The following GNAL variants were observed in gnomAD, a reference collection of about 807,000 sequenced individuals.
GNAL encodes the protein G protein subunit alpha L, also known as guanine nucleotide-binding protein G(olf) subunit alpha.
In GNAL, 18 loss-of-function variants were observed where a neutral mutation model predicts 55.1. The observed-to-expected ratio is 0.33, with a 90% CI of 0.23 to 0.48. The LOEUF (loss-of-function observed/expected upper bound fraction) is 0.48. GNAL is among the 20% of genes least tolerant of loss of function. The pLI is 0.99. For synonymous variants in GNAL, 253 were observed against 237.0 expected, an observed-to-expected ratio of 1.07 and a Z score of -0.62; for missense variants, 412 against 614.1, an observed-to-expected ratio of 0.67 and a Z score of 3.48.
chr18:11,860,641 T>C (rs1400659010), intron 5 of GNAL, among the ~76,000 whole-genome samples: 1 of 152,156 alleles, frequency 6.6e-6, no homozygotes, highest in Non-Finnish European at 1.5e-5. Flanking sequence ...CAAAAGATGA[T>C]AAATTTATGG....
At chr18:11,755,631 T>G (rs908868019) in intron 4 of GNAL, among the ~76,000 whole-genome samples, 2 of 152,174 alleles carry the variant, frequency 1.3e-5, no homozygotes, top group Non-Finnish European at 2.9e-5. Context: ...TTTTTGCTTC[T>G]GATAAGCATG....
At chr18:11,707,242 G>A (rs917172837) in intron 1 of GNAL, among the ~76,000 whole-genome samples, 6 of 152,156 alleles carry the variant, frequency 3.9e-5, no homozygotes, top group Non-Finnish European at 7.3e-5. Flanking sequence ...CACTTATAGC[G>A]CTATGAAACA....
At chr18:11,844,147 C>T (rs906823283) in intron 5 of GNAL, among the ~76,000 whole-genome samples, 7 of 150,418 alleles carry the variant, frequency 4.7e-5, no homozygotes, top group African/African-American at 1.7e-4. Context: ...TTGAAAGGTT[C>T]TCAGGGCCGG....
chr18:11,789,764 T>C (rs1360861802), intron 4 of GNAL, among the ~76,000 whole-genome samples: 1 of 152,234 alleles, frequency 6.6e-6, no homozygotes, highest in Non-Finnish European at 1.5e-5. Flanking sequence ...ATGCCATTGA[T>C]ACATATACTG....
chr18:11,808,815 G>A (rs2034732187), intron 4 of GNAL, among the ~76,000 whole-genome samples: 1 of 152,242 alleles, frequency 6.6e-6, no homozygotes, highest in Admixed American at 6.5e-5. Flanking sequence ...ATGCCGTTCG[G>A]CAATAACAAG....
At chr18:11,756,087 A>G (rs971392954) in intron 4 of GNAL, among the ~76,000 whole-genome samples, 13 of 152,190 alleles carry the variant, frequency 8.5e-5, no homozygotes, top group Non-Finnish European at 1.6e-4. Context: ...AAGATTTATT[A>G]ATCGGTCCCA....
intron 4 of GNAL, among the ~76,000 whole-genome samples, chr18:11,806,523 A>T (rs2034665379): frequency 6.6e-6 from 1 of 152,160 alleles, no homozygotes; most frequent in Admixed American, 6.5e-5. Flanking sequence ...TTTTGTATAT[A>T]GTGAGAGATA....
rs549867218 is a variant in GNAL at position 11,738,691 on chromosome 18, C to T, written c.377-14162C>T. ...CTCGAACTCCTGGCCTCAAGTGATCCGCCTGCCTCGGCCTCCCAGAGTGCT... is the reference window on the plus strand; with the variant it reads ...CTCGAACTCCTGGCCTCAAGTGATCTGCCTGCCTCGGCCTCCCAGAGTGCT... On this transcript the variant is annotated intron_variant, in intron 1 of 11. Coordinates refer to ENST00000334049, the MANE Select transcript of GNAL (RefSeq NM_182978.4). Among the ~76,000 whole-genome samples, 8 of 152,276 alleles carry T rather than the reference C, an allele frequency of 5.3e-5. No homozygotes were observed. In the East Asian group the frequency reaches 9.7e-4, roughly 18 times the overall value.
At chr18:11,794,832 TTTTG>T (rs113337660) in intron 4 of GNAL, among the ~76,000 whole-genome samples, 10 of 151,710 alleles carry the variant, frequency 6.6e-5, no homozygotes, top group South Asian at 4.2e-4. Context: ...GCACTTTGTT[TTTTG>T]TTTGTTTGTT....
chr18:11,844,646 C>T (rs2035692119), intron 5 of GNAL, among the ~76,000 whole-genome samples: 1 of 152,074 alleles, frequency 6.6e-6, no homozygotes, highest in Non-Finnish European at 1.5e-5. Context: ...CCGGGAACAG[C>T]AGTGAAGAAG....
In GNAL at chr18:11,771,436, G is replaced by A. The variant is rs111781752; in HGVS notation, c.624+17491G>A. On this transcript the variant is annotated intron_variant, in intron 4 of 11. Transcript: ENST00000334049. ...CATTTCATTTTTTTTTCTAAATGAT[G>A]ACCTGATATGTGTCAGGAACTATGT... 6.4e-3 allele frequency among the ~76,000 whole-genome samples: 976 copies of A among 151,602 alleles called. 4 individuals carry two copies. The highest frequency in any genetic ancestry group is 9.9e-3 in the Non-Finnish European group (674 of 67,916).
At chr18:11,749,136 A>C (rs58442944) in intron 1 of GNAL, among the ~76,000 whole-genome samples, 54 of 95,250 alleles carry the variant, frequency 5.7e-4, no homozygotes, top group South Asian at 1.4e-3. Flanking sequence ...AAAAAAAAAA[A>C]AAAAAAAAAA....
At chr18:11,876,181 T>G (rs566256639) in intron 10 of GNAL, among the ~76,000 whole-genome samples, 3 of 152,274 alleles carry the variant, frequency 2.0e-5, no homozygotes, top group African/African-American at 7.2e-5. Flanking sequence ...AAGAGGGCAA[T>G]GAAAATTACA....
At chr18:11,792,270 C>T (rs542285908) in intron 4 of GNAL, among the ~76,000 whole-genome samples, 1 of 152,128 alleles carries the variant, frequency 6.6e-6, no homozygotes, top group Non-Finnish European at 1.5e-5. Context: ...ACTGCAACTT[C>T]TACCTCCCGA....
intron 5 of GNAL, among the ~76,000 whole-genome samples, chr18:11,837,394 G>T (rs2035520348): frequency 6.6e-6 from 1 of 152,140 alleles, no homozygotes; most frequent in Non-Finnish European, 1.5e-5. Flanking sequence ...CTTGTATCTA[G>T]AATCATAAAG....
At chr18:11,830,789 C>T (rs183510369) in intron 5 of GNAL, among the ~76,000 whole-genome samples, 47 of 152,222 alleles carry the variant, frequency 3.1e-4, no homozygotes, top group East Asian at 9.6e-4. Context: ...GAATATTACT[C>T]GGCAATGAAA....
chr18:11,814,301 G>T (rs2034897151), intron 4 of GNAL, among the ~76,000 whole-genome samples: 1 of 152,152 alleles, frequency 6.6e-6, no homozygotes, highest in South Asian at 2.1e-4. Flanking sequence ...GAGGTGGGTG[G>T]ATCATCTGAG....
chr18:11,878,786 T>A (rs1453840824), intron 11 of GNAL, among the ~76,000 whole-genome samples: 1 of 152,072 alleles, frequency 6.6e-6, no homozygotes, highest in Non-Finnish European at 1.5e-5. Context: ...CAGGCTGGTC[T>A]CGAACTCCTC....
rs1361345194 is a variant in GNAL at position 11,718,185 on chromosome 18, A to G, written c.376+28246A>G. 2.6e-5 allele frequency among the ~76,000 whole-genome samples: 4 copies of G among 152,342 alleles called. No homozygotes were observed. In the East Asian group the frequency reaches 5.8e-4, roughly 22 times the overall value. On this transcript the variant is annotated intron_variant, in intron 1 of 11. Transcript: ENST00000334049. ...TACATGTTCACAGGGGAAAATTTGA[A>G]AAGTAAGGATAAAGAAGAAAAATGA...
Sources: allele counts gnomAD v4.1 joint callset (sites outside exome capture counted in the v4.1 genomes callset), GRCh38; gene constraint gnomAD v4.1.1; transcripts MANE v1.5; gene names NCBI Gene and HGNC (gene_info 2026-07-23, HGNC 2026-07-21).